CACNA2D3: variants seen among roughly 807,000 people sequenced by gnomAD.
CACNA2D3 encodes voltage-dependent calcium channel subunit alpha-2/delta-3.
In CACNA2D3, 60 loss-of-function variants were observed where a neutral mutation model predicts 160.6. That is an observed-to-expected ratio of 0.37 (90% confidence interval 0.30 to 0.46). The LOEUF is 0.46. Among genes scored for constraint, CACNA2D3 ranks in the 20% least tolerant of loss-of-function variants. The pLI is 1.00. For synonymous variants in CACNA2D3, 558 were observed against 492.9 expected (o/e 1.13, Z -1.75); for missense variants, 1,205 against 1,365.0 (o/e 0.88, Z 1.85).
chr3:54,661,846 A>ATGTGTGTGTGTGTG (rs869104703), intron 11 of CACNA2D3, among the ~76,000 whole-genome samples: 5 of 16,442 alleles, frequency 3.0e-4, no homozygotes, highest in African/African-American at 1.7e-3. Flanking sequence ...GGATGTGTGT[A>ATGTGTGTGTGTGTG]TGTGTGTGTG....
chr3:54,197,800 A>G (rs971084096), intron 2 of CACNA2D3, among the ~76,000 whole-genome samples: 2 of 152,028 alleles, frequency 1.3e-5, no homozygotes, highest in African/African-American at 4.8e-5. Context: ...TCCTTTCCAT[A>G]TTCTTCTCTC....
At position 54,752,594 on chromosome 3, in the gene CACNA2D3, T is replaced by C; in HGVS notation, c.1168-5T>C. The C allele has an allele frequency of 6.2e-7, 1 of 1,612,070 alleles. No individual in the cohort carries two copies. On this transcript the variant is annotated splice_region_variant and splice_polypyrimidine_tract_variant and intron_variant, in intron 11 of 37. Coordinates refer to ENST00000474759, the MANE Select transcript of CACNA2D3 (RefSeq NM_018398.3). The stretch of plus-strand genomic sequence containing the variant: ...CGCTCAGCCATGCGTTTGTCTTCCC[T>C]TCAGGTTCGCATCTTCACATACCTC...
rs529817461 is a variant in CACNA2D3 at position 54,649,418 on chromosome 3, C to T, written c.1167+7177C>T. ...ACCCTGGAGAGAAATTAGGCTCCCTCTACAGAGGCTCGGGAAATCAGAGAC... is the reference window on the plus strand; with the variant it reads ...ACCCTGGAGAGAAATTAGGCTCCCTTTACAGAGGCTCGGGAAATCAGAGAC... On this transcript the variant is annotated intron_variant, in intron 11 of 37. Coordinates refer to ENST00000474759, the MANE Select transcript of CACNA2D3 (RefSeq NM_018398.3). Among the ~76,000 whole-genome samples, 6 of 152,352 alleles carry T rather than the reference C, an allele frequency of 3.9e-5. 1 individual carries two copies. In the South Asian group the frequency reaches 1.0e-3, roughly 26 times the overall value.
At chr3:54,969,206 A>C (rs1403128313) in intron 28 of CACNA2D3, among the ~76,000 whole-genome samples, 1 of 152,070 alleles carries the variant, frequency 6.6e-6, no homozygotes, top group Admixed American at 6.5e-5. Context: ...TTAGTTACCA[A>C]AAGATTTGAG....
At chr3:54,144,639 G>GC (rs1699993806) in intron 2 of CACNA2D3, among the ~76,000 whole-genome samples, 1 of 152,248 alleles carries the variant, frequency 6.6e-6, no homozygotes, top group South Asian at 2.1e-4. Context: ...AGGCTCTGGG[G>GC]CCAGGCATAC....
chr3:54,755,946 A>G (rs915176902), intron 12 of CACNA2D3, among the ~76,000 whole-genome samples: 16 of 152,170 alleles, frequency 1.1e-4, no homozygotes, highest in African/African-American at 3.1e-4. Context: ...AATTACTGAA[A>G]TTGAAGTCTT....
chr3:54,379,599 G>C (rs1699066445), intron 3 of CACNA2D3, among the ~76,000 whole-genome samples: 1 of 152,236 alleles, frequency 6.6e-6, no homozygotes, highest in African/African-American at 2.4e-5. Context: ...TGGTCATCCA[G>C]TCATTGTTGT....
chr3:54,565,582 A>T (rs1702396849), intron 6 of CACNA2D3, among the ~76,000 whole-genome samples: 1 of 152,196 alleles, frequency 6.6e-6, no homozygotes, highest in African/African-American at 2.4e-5. Flanking sequence ...GTCACTGGCC[A>T]CACAGGGGTA....
At chr3:54,677,382 A>C (rs1373676533) in intron 11 of CACNA2D3, among the ~76,000 whole-genome samples, 1 of 152,196 alleles carries the variant, frequency 6.6e-6, no homozygotes, top group Non-Finnish European at 1.5e-5. Context: ...TTGAGTTGAT[A>C]TTTGAACTAA....
intron 2 of CACNA2D3, among the ~76,000 whole-genome samples, chr3:54,223,070 T>A (rs1057343185): frequency 6.6e-6 from 1 of 152,222 alleles, no homozygotes; most frequent in Admixed American, 6.5e-5. Flanking sequence ...GTTAATTAAA[T>A]CTTCTTATTT....
chr3:54,141,007 C>T (rs992592189), intron 2 of CACNA2D3, among the ~76,000 whole-genome samples: 1 of 151,534 alleles, frequency 6.6e-6, no homozygotes, highest in African/African-American at 2.4e-5. Flanking sequence ...TGGCACCTCT[C>T]TGTGGTGTTG....
chr3:54,206,077 G>A (rs1701271175), intron 2 of CACNA2D3, among the ~76,000 whole-genome samples: 1 of 152,128 alleles, frequency 6.6e-6, no homozygotes, highest in Non-Finnish European at 1.5e-5. Flanking sequence ...TAAATAGAAT[G>A]TATAATTATT....
chr3:54,588,932 A>G (rs1053671846), intron 9 of CACNA2D3, among the ~76,000 whole-genome samples: 1 of 151,378 alleles, frequency 6.6e-6, no homozygotes, highest in African/African-American at 2.4e-5. Context: ...ATTAATATGT[A>G]GGTTTAATTT....
At chr3:54,662,156 C>T (rs1035145248) in intron 11 of CACNA2D3, among the ~76,000 whole-genome samples, 10 of 151,510 alleles carry the variant, frequency 6.6e-5, no homozygotes, top group Non-Finnish European at 1.3e-4. Flanking sequence ...ATAGGAAGTT[C>T]CTTCTGTGTG....
chr3:54,606,374 T>C (rs1187693694), intron 9 of CACNA2D3, among the ~76,000 whole-genome samples: 1 of 151,642 alleles, frequency 6.6e-6, no homozygotes, highest in African/African-American at 2.4e-5. Context: ...AAGGTAGAGG[T>C]AGGACAACCA....
At chr3:54,404,610 A>G (rs1406781000) in intron 4 of CACNA2D3, among the ~76,000 whole-genome samples, 1 of 152,182 alleles carries the variant, frequency 6.6e-6, no homozygotes, top group Non-Finnish European at 1.5e-5. Context: ...ACTATTCAAC[A>G]TAGTACTGGA....
intron 4 of CACNA2D3, among the ~76,000 whole-genome samples, chr3:54,434,319 C>T (rs1700031050): frequency 6.6e-6 from 1 of 152,212 alleles, no homozygotes; most frequent in African/African-American, 2.4e-5. Flanking sequence ...TTTGGGCTAT[C>T]AACATTCCTT....
chr3:54,240,207 A>G (rs1175988399), intron 2 of CACNA2D3, among the ~76,000 whole-genome samples: 1 of 150,010 alleles, frequency 6.7e-6, no homozygotes, highest in Non-Finnish European at 1.5e-5. Flanking sequence ...TGGTCATATT[A>G]GGTGTATTTT....
intron 21 of CACNA2D3, among the ~76,000 whole-genome samples, chr3:54,881,171 T>C (rs918310394): frequency 6.6e-6 from 1 of 152,096 alleles, no homozygotes; most frequent in African/African-American, 2.4e-5. Context: ...AAGCAGAGTA[T>C]CAGTAAATAG....
Sources: allele counts gnomAD v4.1 joint callset (sites outside exome capture counted in the v4.1 genomes callset), GRCh38; gene constraint gnomAD v4.1.1; transcripts MANE v1.5; gene names NCBI Gene and HGNC (gene_info 2026-07-23, HGNC 2026-07-21).